Variants in SEZ6L observed in about 807,000 individuals in gnomAD.
The protein encoded by SEZ6L is seizure related 6 homolog like.
A neutral mutation model predicts 106.2 loss-of-function variants in SEZ6L; 37 were observed. The ratio of observed to expected loss-of-function variants is 0.35; its 90% CI spans 0.27 to 0.46. The LOEUF is 0.46. Among genes scored for constraint, SEZ6L ranks in the 20% least tolerant of loss-of-function variants. The pLI is 1.00. For missense variants in SEZ6L, 1,172 were observed against 1,332.8 expected (o/e 0.88, Z 1.88); for synonymous variants, 541 against 570.4 (o/e 0.95, Z 0.73).
intron 9 of SEZ6L, among the ~76,000 whole-genome samples, chr22:26,324,064 C>CCACACACACACACACACACACACACA (rs71311560): frequency 4.3e-5 from 6 of 140,156 alleles, no homozygotes; most frequent in African/African-American, 1.6e-4. Context: ...CAGTTTTTAA[C>CCACACACACACACACACACACACACA]CACACACACA....
chr22:26,345,882 G>A (rs1038225735), intron 10 of SEZ6L, among the ~76,000 whole-genome samples: 1 of 152,164 alleles, frequency 6.6e-6, no homozygotes, highest in African/African-American at 2.4e-5. Context: ...GTTTGTAGGA[G>A]AAAAACAGAA....
intron 1 of SEZ6L, among the ~76,000 whole-genome samples, chr22:26,271,086 C>G (rs1038455152): frequency 6.6e-6 from 1 of 152,176 alleles, no homozygotes; most frequent in Non-Finnish European, 1.5e-5. Flanking sequence ...TCTTTGGGTG[C>G]ACATGTGTCT....
chr22:26,340,654 T>C (rs779152214), intron 10 of SEZ6L, 22 bp downstream of exon 10: 1 of 1,588,526 alleles, frequency 6.3e-7, no homozygotes, highest in South Asian at 1.1e-5. Context: ...ATCTGGTCAA[T>C]TTATTTTTTC....
intron 13 of SEZ6L, among the ~76,000 whole-genome samples, chr22:26,369,072 G>A (rs1601634058): frequency 6.6e-6 from 1 of 152,076 alleles, no homozygotes; most frequent in Non-Finnish European, 1.5e-5. Context: ...CCTGGAATAA[G>A]CCTTTTAACA....
rs550225045 is a variant in SEZ6L at position 26,182,205 on chromosome 22, G to A, written c.94+12442G>A. On this transcript the variant is annotated intron_variant, in intron 1 of 16. Coordinates refer to ENST00000248933, the MANE Select transcript of SEZ6L (RefSeq NM_021115.5). ...AGTATGCAAGAAATGATTCTTATTA[G>A]CATGCATATGAATGAATGGCTGTCT... 1.3e-4 allele frequency among the ~76,000 whole-genome samples: 20 copies of A among 152,298 alleles called. 1 individual carries two copies. Among genetic ancestry groups the A allele is most frequent in the Middle Eastern group, 6.8e-3 (2 of 294 alleles).
intron 6 of SEZ6L, among the ~76,000 whole-genome samples, chr22:26,307,995 T>C (rs1457110799): frequency 1.3e-5 from 2 of 152,094 alleles, no homozygotes; most frequent in Non-Finnish European, 2.9e-5. Flanking sequence ...TTCAAGTGTA[T>C]CAGTAGGAAG....
chr22:26,188,662 T>C (rs1939968663), intron 1 of SEZ6L, among the ~76,000 whole-genome samples: 1 of 152,180 alleles, frequency 6.6e-6, no homozygotes, highest in Non-Finnish European at 1.5e-5. Context: ...CCATCATTGG[T>C]TTATGTCTGT....
intron 12 of SEZ6L, chr22:26,351,518 TTTG>T (rs2083279389): frequency 1.7e-5 from 5 of 301,300 alleles, no homozygotes; most frequent in African/African-American, 2.4e-5. Flanking sequence ...TGTTTTTTTG[TTTG>T]TTTGTTTGTT....
chr22:26,306,232 A>G (rs907819712), intron 6 of SEZ6L, 88 bp downstream of exon 6: 42 of 1,434,662 alleles, frequency 2.9e-5, no homozygotes, highest in Non-Finnish European at 3.8e-5. Flanking sequence ...AAATGGCTGA[A>G]GCTTTGACCC....
chr22:26,209,448 GGGAA>G (rs1941483836), intron 1 of SEZ6L, among the ~76,000 whole-genome samples: 11 of 146,862 alleles, frequency 7.5e-5, no homozygotes, highest in Admixed American at 2.1e-4. Flanking sequence ...GAAAAGGAGA[GGGAA>G]GGAAGGAAGG....
intron 1 of SEZ6L, among the ~76,000 whole-genome samples, chr22:26,175,196 A>T (rs190329541): frequency 3.3e-5 from 5 of 152,372 alleles, no homozygotes; most frequent in Non-Finnish European, 7.3e-5. Flanking sequence ...TCCCTGGCAC[A>T]CATAGCAAGC....
intron 10 of SEZ6L, among the ~76,000 whole-genome samples, chr22:26,343,864 T>C (rs1229892474): frequency 6.6e-6 from 1 of 152,232 alleles, no homozygotes; most frequent in Non-Finnish European, 1.5e-5. Flanking sequence ...TTCTAGCTAA[T>C]TGCGATACCA....
chr22:26,293,796 C>A (rs905155073), intron 2 of SEZ6L, among the ~76,000 whole-genome samples: 14 of 152,216 alleles, frequency 9.2e-5, no homozygotes, highest in African/African-American at 3.4e-4. Context: ...TTGCTTTTAG[C>A]ATTACATGTA....
chr22:26,301,129 G>A (rs1286022361), intron 5 of SEZ6L, among the ~76,000 whole-genome samples: 4 of 152,194 alleles, frequency 2.6e-5, no homozygotes, highest in African/African-American at 9.7e-5. Context: ...TGCAGATGAG[G>A]CTCATGTAGG....
At chr22:26,179,576 C>A (rs1032286790) in intron 1 of SEZ6L, among the ~76,000 whole-genome samples, 2 of 152,038 alleles carry the variant, frequency 1.3e-5, no homozygotes, top group Non-Finnish European at 2.9e-5. Flanking sequence ...TATAAGCTAC[C>A]CAGTTTATGG....
intron 13 of SEZ6L, among the ~76,000 whole-genome samples, chr22:26,371,900 G>A (rs542042598): frequency 3.3e-5 from 5 of 152,222 alleles, no homozygotes; most frequent in African/African-American, 9.6e-5. Context: ...ACTCTGTAAG[G>A]AAATGAGAAA....
chr22:26,265,913 C>T (rs779383522), intron 1 of SEZ6L, among the ~76,000 whole-genome samples: 14 of 152,182 alleles, frequency 9.2e-5, no homozygotes, highest in Non-Finnish European at 1.6e-4. Context: ...GGTCCAAGAA[C>T]TCACTGTGGC....
At chr22:26,251,551 G>A (rs1379118311) in intron 1 of SEZ6L, among the ~76,000 whole-genome samples, 1 of 152,192 alleles carries the variant, frequency 6.6e-6, no homozygotes, top group African/African-American at 2.4e-5. Context: ...GAGAAAGTCA[G>A]GCATCTTGGG....
At chr22:26,353,462 C>T (rs769110236) in intron 12 of SEZ6L, among the ~76,000 whole-genome samples, 1 of 152,168 alleles carries the variant, frequency 6.6e-6, no homozygotes, top group African/African-American at 2.4e-5. Context: ...CATTTCTAGA[C>T]ACTATATATA....
Sources: allele counts gnomAD v4.1 joint callset (sites outside exome capture counted in the v4.1 genomes callset), GRCh38; gene constraint gnomAD v4.1.1; transcripts MANE v1.5; gene names NCBI Gene and HGNC (gene_info 2026-07-23, HGNC 2026-07-21).